The following DGKA variants were observed in gnomAD, a reference collection of about 807,000 sequenced individuals.
DGKA encodes 80 kDa diacylglycerol kinase.
Under a neutral mutation model 105.0 loss-of-function variants are expected in DGKA, and 35 were observed. The ratio of observed to expected loss-of-function variants is 0.33; its 90% confidence interval spans 0.25 to 0.44. The LOEUF (loss-of-function observed/expected upper bound fraction) is 0.44. Ranked by LOEUF, DGKA falls within the 20% of genes least tolerant of loss-of-function variation. DGKA has a pLI of 1.00. For synonymous variants in DGKA, 296 were observed against 332.0 expected, an observed-to-expected ratio of 0.89 and a Z score of 1.18; for missense variants, 665 against 915.0, an observed-to-expected ratio of 0.73 and a Z score of 3.53.
intron 2 of DGKA, 189 bp from the exon 3 acceptor site, chr12:55,936,828 C>A: frequency 1.2e-6 from 1 of 804,466 alleles, no homozygotes; most frequent in South Asian, 1.4e-5. Context: ...CTGCTTGCTC[C>A]AGCTCTCAGA....
intron 1 of DGKA, chr12:55,935,957 C>A: frequency 1.0e-6 from 1 of 988,272 alleles, no homozygotes; most frequent in Non-Finnish European, 1.2e-6. Flanking sequence ...CGCGCTAACG[C>A]AGTAAGAGTC....
At chr12:55,945,980 G>C (rs1234948294) in intron 17 of DGKA, among the ~76,000 whole-genome samples, 1 of 151,944 alleles carries the variant, frequency 6.6e-6, no homozygotes, top group Non-Finnish European at 1.5e-5. Flanking sequence ...GTAGAGACAG[G>C]TTTCACCGTG....
chr12:55,936,972 C>A, intron 2 of DGKA, 45 bp from the exon 3 acceptor site: 1 of 1,535,186 alleles, frequency 6.5e-7, no homozygotes, highest in Non-Finnish European at 9.0e-7. Flanking sequence ...CAAGAGAACT[C>A]AGCTGGACTA....
chr12:55,941,933 G>C, intron 15 of DGKA, 65 bp from the exon 16 acceptor site: 1 of 1,530,874 alleles, frequency 6.5e-7, no homozygotes, highest in East Asian at 2.3e-5. Context: ...CAATCTGCCT[G>C]CTCAGGACTT....
intron 4 of DGKA, 32 bp from the exon 5 acceptor site, chr12:55,937,946 C>A: frequency 3.1e-6 from 5 of 1,594,128 alleles, no homozygotes; most frequent in Non-Finnish European, 4.3e-6. Context: ...GTGGAGGGAG[C>A]CCTGACTTCT....
chr12:55,952,209 C>T lies in DGKA; in HGVS notation c.1652+110C>T. The T allele has an allele frequency of 6.6e-7, 1 of 1,518,672 alleles. No homozygotes were observed. 94.1% of individuals were successfully genotyped at this position (1,518,672 alleles called of 1,614,324 possible). ...ACAGTGGCACCTCTAGGAGGTCCCC[C>T]CAACCAAAGCCACCCTTGTTCCCCA... is the stretch of plus-strand genomic sequence containing the variant. On this transcript the variant is annotated intron_variant, in intron 19 of 23. Transcript: ENST00000331886. The surrounding 1 kb of genome is among the most constrained non-coding windows in gnomAD (Gnocchi z 5.1).
rs1381741500 is a variant in DGKA, at chr12:55,937,002, C to G, written c.65-15C>G. 8.7e-6 allele frequency: 14 copies of G among 1,612,658 alleles called. No homozygotes were observed. Among genetic ancestry groups the G allele is most frequent in the Non-Finnish European group, 1.1e-5 (13 of 1,178,788 alleles). ...GGACTAATAATGCTGTTCTCTTACT[C>G]TCTCTACACCCTAGACTCCACCAAA... On this transcript the variant is annotated splice_polypyrimidine_tract_variant and intron_variant, in intron 2 of 23. Transcript: ENST00000331886.
chr12:55,949,680 A>C (rs1429932996), intron 17 of DGKA, among the ~76,000 whole-genome samples: 1 of 152,194 alleles, frequency 6.6e-6, no homozygotes, highest in African/African-American at 2.4e-5. Context: ...ATGCAACAAA[A>C]GTTAGCTAAT....
rs1334146216 is a variant in DGKA at position 55,940,357 on chromosome 12, G to A, written c.842G>A (p.Arg281His). 1 of 1,614,246 alleles carries A rather than the reference G, an allele frequency of 6.2e-7. No individual in the cohort carries two copies. Among genetic ancestry groups the A allele is most frequent in the Non-Finnish European group, 8.5e-7 (1 of 1,180,038 alleles). ...VWVRGGCESG[R>H]CDRCQKKIRI... ...GTGCGAGGAGGCTGTGAGTCCGGGC[G>A]CTGCGACCGCTGTCAGAAAAAGATC... Residue 281 changes from arginine to histidine, a missense_variant, in exon 11 of 24, where the codon CGC (arginine) becomes CAC (histidine). Arg to His is a conservative substitution (Grantham distance 29, BLOSUM62 0). Transcript: ENST00000331886. The surrounding 1 kb of genome is among the most constrained non-coding windows in gnomAD (Gnocchi z 4.3).
Position 55,932,378 on chromosome 12 carries a change from G to T in DGKA, c.-82+1034G>T. The T allele has an allele frequency of 1.7e-6, 1 of 601,482 alleles. No individual in the cohort carries two copies. Among genetic ancestry groups the T allele is most frequent in the Non-Finnish European group, 3.0e-6 (1 of 333,814 alleles). 37.3% of individuals were successfully genotyped at this position (601,482 alleles called of 1,614,324 possible). A position where few individuals can be genotyped will look rare whatever the true frequency, so the allele number is the denominator to read the frequency against. Reference sequence around the variant, plus strand: ...CCCGCTCATTCGGAGGGATGGTGAAGCCCGGTTCCTGGGACCCGACTCGGA... The same window carrying T: ...CCCGCTCATTCGGAGGGATGGTGAATCCCGGTTCCTGGGACCCGACTCGGA... On this transcript the variant is annotated intron_variant, in intron 1 of 23. Coordinates refer to ENST00000331886, the MANE Select transcript of DGKA (RefSeq NM_001345.5). This position sits in a 1 kb window ranked among gnomAD's most constrained non-coding sequence, Gnocchi z 4.3.
chr12:55,938,342 G>A, intron 5 of DGKA, 169 bp from the exon 6 acceptor site: 1 of 849,068 alleles, frequency 1.2e-6, no homozygotes. Flanking sequence ...TGAGGGTAGA[G>A]TCCATGCCTG....
At chr12:55,927,634 T>C, upstream of DGKA, 1 of 1,492,198 alleles carries the variant, frequency 6.7e-7, no homozygotes, top group Non-Finnish European at 9.0e-7. Context: ...GGAGGTCGAA[T>C]TCGTGTGCCG....
chr12:55,944,455 G>C (rs1042533048), intron 17 of DGKA, among the ~76,000 whole-genome samples: 3 of 152,210 alleles, frequency 2.0e-5, no homozygotes, highest in Non-Finnish European at 4.4e-5. Flanking sequence ...GCAACAGTGT[G>C]AGACTTTAAA....
intron 17 of DGKA, among the ~76,000 whole-genome samples, chr12:55,947,860 G>A (rs529850949): frequency 6.6e-6 from 1 of 152,008 alleles, no homozygotes; most frequent in Non-Finnish European, 1.5e-5. Context: ...GTACAATCTC[G>A]GCTCACTGCA....
chr12:55,950,717 A>G (rs1174786616), intron 17 of DGKA, among the ~76,000 whole-genome samples: 1 of 151,796 alleles, frequency 6.6e-6, no homozygotes, highest in Non-Finnish European at 1.5e-5. Flanking sequence ...CTGGGACTAC[A>G]GGAGTGAGCC....
chr12:55,953,732 C>A lies in DGKA; in HGVS notation c.2172C>A (p.Pro724=), dbSNP rs772424828. 6 of 1,614,160 alleles carry A rather than the reference C, an allele frequency of 3.7e-6. No individual in the cohort carries two copies. The highest frequency in any genetic ancestry group is 1.1e-5 in the South Asian group (1 of 91,084). Residue 724 remains proline (P), a synonymous_variant, in exon 24 of 24, where the codon CCC becomes CCA. Coordinates refer to ENST00000331886, the MANE Select transcript of DGKA (RefSeq NM_001345.5). Reference sequence around the variant, plus strand: ...AGATGCCCATGCTCATGGGCCCACCCCCCCGCTCCACCAATTTCTTTGGCT... The same window carrying A: ...AGATGCCCATGCTCATGGGCCCACCACCCCGCTCCACCAATTTCTTTGGCT... ...KNQMPMLMGP[P]PRSTNFFGFL... is the part of the protein sequence containing the mutation.
chr12:55,939,494 G>A lies in DGKA; in HGVS notation c.674G>A (p.Ser225Asn), dbSNP rs1565740256. 1 of 1,614,226 alleles carries A rather than the reference G, an allele frequency of 6.2e-7. No individual in the cohort carries two copies. The highest frequency in any genetic ancestry group is 1.3e-5 in the African/African-American group (1 of 75,058). Residue 225 changes from serine to asparagine, a missense_variant, in exon 9 of 24, where the codon AGC (serine) becomes AAC (asparagine). This residue lies in a region of DGKA where 504 missense variants were observed against 681.2 expected (regional missense o/e 0.74). Transcript: ENST00000331886. The stretch of plus-strand genomic sequence containing the variant: ...GTCTACTGCAATCTGTGCGAGTCAA[G>A]CATTGGTCTTGGCAAACAGGGACTG... ...RPVYCNLCES[S>N]IGLGKQGLSC...
At chr12:55,951,825 C>G (rs781630468) in intron 18 of DGKA, 42 bp downstream of exon 18, 35 of 1,600,156 alleles carry the variant, frequency 2.2e-5, no homozygotes, top group Non-Finnish European at 2.7e-5. Flanking sequence ...AAAGGGGGGG[C>G]CAAGCAGTCA....
chr12:55,939,941 G>A, intron 9 of DGKA, 141 bp from the exon 10 acceptor site: 2 of 730,478 alleles, frequency 2.7e-6, no homozygotes, highest in South Asian at 1.6e-5. Flanking sequence ...GGGTTTTGGA[G>A]GTGGGCACTT....
Sources: allele counts gnomAD v4.1 joint callset (sites outside exome capture counted in the v4.1 genomes callset), GRCh38; gene constraint gnomAD v4.1.1; regional missense constraint gnomAD v4.1.1; non-coding constraint Gnocchi (gnomAD v3.1); transcripts MANE v1.5; gene names NCBI Gene and HGNC (gene_info 2026-07-23, HGNC 2026-07-21).